LCP1: variants seen among roughly 807,000 people sequenced by gnomAD.
The protein encoded by LCP1 is lymphocyte cytosolic protein 1, also known as plastin-2.
Under a neutral mutation model 72.0 loss-of-function variants are expected in LCP1, and 23 were observed. The ratio of observed to expected loss-of-function variants is 0.32; its 90% CI spans 0.23 to 0.45. LCP1 has a LOEUF of 0.45. LCP1 is among the 20% of genes least tolerant of loss of function. LCP1 has a pLI of 1.00. For synonymous variants in LCP1, 245 were observed against 275.4 expected (o/e 0.89, Z 1.09); for missense variants, 571 against 748.3 (o/e 0.76, Z 2.76).
chr13:46,144,720 T>C (rs1001326707), intron 10 of LCP1, among the ~76,000 whole-genome samples, 200 bp from the exon 11 acceptor site: 3 of 152,250 alleles, frequency 2.0e-5, no homozygotes, highest in African/African-American at 7.2e-5. Context: ...TGTATTTCTA[T>C]AGTATCTATT....
In LCP1 at chr13:46,147,055, T is replaced by C. The variant is rs1593950506; in HGVS notation, c.1027A>G (p.Arg343Gly). The change falls in exon 10 of 16, where the codon AGG becomes GGG. Residue 343 changes from arginine to glycine, a missense_variant. Coordinates refer to ENST00000323076, the MANE Select transcript of LCP1 (RefSeq NM_002298.5). ...GTGACAAACTGCCGGCAGCCCAGCCTCTCCGCCTGCTGCAGCATGCATTCT... is the reference window on the plus strand; with the variant it reads ...GTGACAAACTGCCGGCAGCCCAGCCCCTCCGCCTGCTGCAGCATGCATTCT... ...RAECMLQQAE[R>G]LGCRQFVTAT... The C allele has an allele frequency of 1.9e-6, 3 of 1,612,172 alleles. No individual in the cohort carries two copies. In the Middle Eastern group the frequency reaches 5.0e-4, roughly 268 times the overall value.
intron 12 of LCP1, 47 bp from the exon 13 acceptor site, chr13:46,142,472 TG>T: frequency 6.3e-7 from 1 of 1,580,576 alleles, no homozygotes; most frequent in East Asian, 2.2e-5. Context: ...ATCTTGATTA[TG>T]ATAAATACCA....
At position 46,151,047 on chromosome 13, in the gene LCP1, G is replaced by A; in HGVS notation, c.771C>T (p.Ser257=). Residue 257 remains serine, a synonymous_variant, in exon 8 of 16, where the codon AGC becomes AGT. Coordinates refer to ENST00000323076, the MANE Select transcript of LCP1 (RefSeq NM_002298.5). ...GGGAGAGTTTCATCAAATCCTCCAG[G>A]CTCTCACCTTCTCTCAAAAGAGCAA... ...ALIALLREGE[S]LEDLMKLSPE... 1.2e-6 allele frequency: 2 copies of A among 1,613,752 alleles called. No individual in the cohort carries two copies. The highest frequency in any genetic ancestry group is 1.7e-6 in the Non-Finnish European group (2 of 1,179,896).
chr13:46,175,532 T>C (rs779808265), intron 1 of LCP1, among the ~76,000 whole-genome samples: 1 of 152,068 alleles, frequency 6.6e-6, no homozygotes, highest in East Asian at 1.9e-4. Flanking sequence ...ACTGGAGATA[T>C]GGTACTGGAG....
intron 1 of LCP1, among the ~76,000 whole-genome samples, chr13:46,176,613 G>A (rs2045931876): frequency 6.6e-6 from 1 of 152,128 alleles, no homozygotes; most frequent in Non-Finnish European, 1.5e-5. Flanking sequence ...CTACCAGACT[G>A]AGGAAACAAA....
At position 46,150,951 on chromosome 13, in the gene LCP1, G is replaced by A. The variant is rs1411089345; in HGVS notation, c.867C>T (p.Phe289=). 6.2e-7 allele frequency: 1 copy of A among 1,613,894 alleles called. No homozygotes were observed. Among genetic ancestry groups the A allele is most frequent in the Admixed American group, 1.7e-5 (1 of 60,006 alleles). ...CTCCTCCTACCTTGATGTCAGTACTGAAGTTGCCAATTTTGTTGCAGCCTG... is the reference window on the plus strand; with the variant it reads ...CTCCTCCTACCTTGATGTCAGTACTAAAGTTGCCAATTTTGTTGCAGCCTG... ...ENAGCNKIGN[F]STDIKDSKAY... Residue 289 remains phenylalanine, a synonymous_variant, in exon 8 of 16, where the codon TTC becomes TTT. Coordinates refer to ENST00000323076, the MANE Select transcript of LCP1 (RefSeq NM_002298.5).
intron 15 of LCP1, among the ~76,000 whole-genome samples, chr13:46,128,512 C>T (rs984904108): frequency 2.0e-5 from 3 of 151,972 alleles, no homozygotes; most frequent in Admixed American, 6.5e-5. Flanking sequence ...GCAGGAGAAT[C>T]GCTTGAACCC....
At chr13:46,141,793 G>T (rs2045700401) in intron 13 of LCP1, among the ~76,000 whole-genome samples, 1 of 152,078 alleles carries the variant, frequency 6.6e-6, no homozygotes, top group African/African-American at 2.4e-5. Flanking sequence ...AAGAGCACTA[G>T]AAATAGTAAA....
intron 13 of LCP1, among the ~76,000 whole-genome samples, chr13:46,139,128 A>G (rs1192888756): frequency 6.6e-6 from 1 of 152,232 alleles, no homozygotes; most frequent in Non-Finnish European, 1.5e-5. Context: ...GCTTGGAAAT[A>G]TCATCTGGAA....
chr13:46,131,999 A>C (rs1359236632), intron 14 of LCP1, among the ~76,000 whole-genome samples: 1 of 25,250 alleles, frequency 4.0e-5, no homozygotes, highest in Non-Finnish European at 6.8e-5. Flanking sequence ...TACTCTCTGA[A>C]TCTTTTTTTT....
intron 1 of LCP1, among the ~76,000 whole-genome samples, chr13:46,175,236 T>C (rs2045923454): frequency 1.3e-5 from 2 of 152,178 alleles, no homozygotes; most frequent in Admixed American, 6.5e-5. Flanking sequence ...AAGTCAGTGG[T>C]GACGCTGGGT....
In LCP1 at chr13:46,127,012, A is replaced by T; in HGVS notation, c.*579T>A. The T allele has an allele frequency of 4.3e-6, 1 of 231,088 alleles. No homozygotes were observed. The highest frequency in any genetic ancestry group is 8.6e-6 in the Non-Finnish European group (1 of 116,888). 14.3% of individuals were successfully genotyped at this position (231,088 alleles called of 1,614,324 possible). ...CAACAGCTTGACTGATTTATCACAC[A>T]CTCCAAGTGGCCCAGAGACAAGGAC... On this transcript the variant is annotated 3_prime_UTR_variant, in exon 16 of 16. Coordinates refer to ENST00000323076, the MANE Select transcript of LCP1 (RefSeq NM_002298.5).
intron 1 of LCP1, among the ~76,000 whole-genome samples, chr13:46,180,845 T>C (rs2045952669): frequency 6.6e-6 from 1 of 152,216 alleles, no homozygotes; most frequent in African/African-American, 2.4e-5. Context: ...ACACAACATA[T>C]TTTTAGTCTG....
rs1253402521 is a variant in LCP1, at chr13:46,126,279, T to C, written c.*1312A>G. On this transcript the variant is annotated 3_prime_UTR_variant, in exon 16 of 16. Coordinates refer to ENST00000323076, the MANE Select transcript of LCP1 (RefSeq NM_002298.5). ...GAGGGCGTCTTGCATTGGTTCACAA[T>C]GGCCTGTTGCTTTTTAGCCTTCAGT... The C allele has an allele frequency of 1.3e-5, 3 of 228,754 alleles. No individual in the cohort carries two copies. The highest frequency in any genetic ancestry group is 6.3e-5 in the East Asian group (1 of 15,966). The allele number at this position is 228,754 out of a possible 1,614,324, so 14.2% of individuals were successfully genotyped here.
chr13:46,162,544 TGCCAGCCTCG>T lies in LCP1; in HGVS notation c.-24-2868_-24-2859del, dbSNP rs552566607. On this transcript the variant is annotated intron_variant, in intron 1 of 15. Transcript: ENST00000323076. ...CTCCAGCTCCTAACCGTGAGTGATC[TGCCAGCCTCG>T]GCCTCCGGAGGTGCTGGGATTGCAG... Among the ~76,000 whole-genome samples the T allele has an allele frequency of 2.0e-4, 31 of 152,184 alleles. No homozygotes were observed. The South Asian group carries it at 6.4e-3, about 32-fold the overall frequency.
chr13:46,159,639 A>C lies in LCP1; in HGVS notation c.24T>G (p.Asp8Glu), dbSNP rs2045825462. The C allele has an allele frequency of 6.2e-7, 1 of 1,614,010 alleles. No individual in the cohort carries two copies. Among genetic ancestry groups the C allele is most frequent in the Non-Finnish European group, 8.5e-7 (1 of 1,179,988 alleles). ...CTTCTCTGAGCTCCATCATTTCCTC[A>C]TCGGACACTGATCCTCTGGCCATTT... MARGSVS[D>E]EEMMELREAF... The change falls in exon 2 of 16, where the codon GAT (aspartate) becomes GAG (glutamate). Residue 8 changes from aspartate (D) to glutamate (E), a missense_variant. Asp to Glu is a conservative substitution (Grantham distance 45, BLOSUM62 2). Transcript: ENST00000323076.
chr13:46,152,992 T>A, intron 6 of LCP1, 47 bp from the exon 7 acceptor site: 2 of 1,549,126 alleles, frequency 1.3e-6, no homozygotes, highest in Non-Finnish European at 1.8e-6. Flanking sequence ...ACTTTGTAGA[T>A]GCCAAATAAT....
chr13:46,133,625 C>CA (rs1302123994), intron 14 of LCP1, among the ~76,000 whole-genome samples: 1 of 145,590 alleles, frequency 6.9e-6, no homozygotes, highest in Non-Finnish European at 1.5e-5. Flanking sequence ...GACCTTGTCA[C>CA]AAAAAACAGA....
intron 1 of LCP1, among the ~76,000 whole-genome samples, chr13:46,176,894 T>C (rs568100527): frequency 6.1e-5 from 9 of 148,024 alleles, no homozygotes; most frequent in Non-Finnish European, 1.2e-4. Context: ...TGTGTGTGTG[T>C]GTGTGTGTGA....
Sources: gnomAD v4.1 joint callset for allele counts (sites outside exome capture counted in the v4.1 genomes callset) on GRCh38, gnomAD v4.1.1 for gene constraint, MANE v1.5 for transcripts, NCBI Gene and HGNC (gene_info 2026-07-23, HGNC 2026-07-21) for gene names.